TTLL5: variants seen among roughly 807,000 people sequenced by gnomAD.
The protein encoded by TTLL5 is tubulin polyglutamylase TTLL5.
TTLL5 carries 132 observed loss-of-function variants against 168.4 expected under a neutral mutation model. That is an observed-to-expected ratio of 0.78 (90% CI 0.68 to 0.91). The LOEUF is 0.91. Among genes scored for constraint, TTLL5 ranks in the 40% least tolerant of loss-of-function variants. The pLI, the probability that TTLL5 is intolerant of heterozygous loss-of-function variation, is 0.00. For missense variants in TTLL5, 1,545 were observed against 1,581.5 expected, an observed-to-expected ratio of 0.98 and a Z score of 0.39; for synonymous variants, 546 against 558.6, an observed-to-expected ratio of 0.98 and a Z score of 0.32.
chr14:75,818,667 T>TG, intron 27 of TTLL5: 1 of 194,438 alleles, frequency 5.1e-6, no homozygotes, highest in Middle Eastern at 2.2e-3. Flanking sequence ...TTTTTTTTTT[T>TG]TTTTTGTATT....
intron 31 of TTLL5, among the ~76,000 whole-genome samples, chr14:75,940,800 T>C (rs1390878294): frequency 6.6e-6 from 1 of 152,204 alleles, no homozygotes. Context: ...GATGGGTTTA[T>C]TATAATAAAA....
intron 29 of TTLL5, among the ~76,000 whole-genome samples, chr14:75,865,099 C>T (rs1216420518): frequency 6.6e-6 from 1 of 152,060 alleles, no homozygotes; most frequent in Non-Finnish European, 1.5e-5. Flanking sequence ...AAAATAAAAT[C>T]TCTTAATCTG....
Position 75,876,721 on chromosome 14 carries a change from C to T in TTLL5, c.3523-5964C>T, listed in dbSNP as rs181235923. ...GCTCAGCACCCAGTCTTGTCCCAGC[C>T]GACAAACACTGTGAATGGAAGACAG... is the stretch of plus-strand genomic sequence containing the variant. On this transcript the variant is annotated intron_variant, in intron 29 of 31. Transcript: ENST00000298832. 3.1e-4 allele frequency among the ~76,000 whole-genome samples: 47 copies of T among 152,272 alleles called. No homozygotes were observed. The East Asian group carries it at 8.1e-3, about 26-fold the overall frequency.
chr14:75,943,802 GA>G (rs942279680), intron 31 of TTLL5, among the ~76,000 whole-genome samples: 1 of 152,118 alleles, frequency 6.6e-6, no homozygotes, highest in Non-Finnish European at 1.5e-5. Flanking sequence ...TATGTTTAGA[GA>G]AATTAAAAGA....
At chr14:75,916,883 A>G (rs1032338666) in intron 31 of TTLL5, among the ~76,000 whole-genome samples, 2 of 152,224 alleles carry the variant, frequency 1.3e-5, no homozygotes, top group African/African-American at 4.8e-5. Flanking sequence ...GCAATAAGCT[A>G]CAGCATGGAA....
At chr14:75,688,528 T>A (rs8010560) in intron 5 of TTLL5, among the ~76,000 whole-genome samples, 106,001 of 152,060 alleles carry the variant, frequency 0.7, 38,434 homozygotes, top group Non-Finnish European at 0.81. Flanking sequence ...AATTAATTGA[T>A]CCCAAGGAGG....
intron 31 of TTLL5, chr14:75,902,680 GTGT>G: frequency 3.1e-5 from 14 of 454,176 alleles, no homozygotes; most frequent in South Asian, 2.2e-4. Context: ...TTTGATCTAC[GTGT>G]TGTGCTAATG....
chr14:75,704,280 T>C (rs568396281), intron 7 of TTLL5, among the ~76,000 whole-genome samples: 1 of 152,346 alleles, frequency 6.6e-6, no homozygotes, highest in African/African-American at 2.4e-5. Context: ...GGCTCATGCC[T>C]GTAATCCCAG....
intron 23 of TTLL5, among the ~76,000 whole-genome samples, chr14:75,778,600 G>A (rs887412363): frequency 2.6e-5 from 4 of 152,184 alleles, no homozygotes; most frequent in Admixed American, 2.0e-4. Flanking sequence ...GTTCTGGTTA[G>A]AGTGTGTTTT....
intron 12 of TTLL5, among the ~76,000 whole-genome samples, chr14:75,730,525 C>T (rs1338865165): frequency 6.6e-6 from 1 of 152,164 alleles, no homozygotes; most frequent in Non-Finnish European, 1.5e-5. Context: ...GAAGCCAACT[C>T]ATTCATGGAA....
At chr14:75,857,232 T>C (rs1897175752) in intron 28 of TTLL5, among the ~76,000 whole-genome samples, 1 of 152,228 alleles carries the variant, frequency 6.6e-6, no homozygotes, top group African/African-American at 2.4e-5. Context: ...GCATTTCATG[T>C]CTAACGGTAT....
intron 29 of TTLL5, among the ~76,000 whole-genome samples, chr14:75,869,491 A>G (rs576098093): frequency 6.6e-6 from 1 of 152,256 alleles, no homozygotes; most frequent in African/African-American, 2.4e-5. Flanking sequence ...TCATGATTGT[A>G]GTTCTCAGGA....
At chr14:75,687,850 A>G (rs914891916) in intron 5 of TTLL5, among the ~76,000 whole-genome samples, 2 of 152,240 alleles carry the variant, frequency 1.3e-5, no homozygotes, top group African/African-American at 4.8e-5. Flanking sequence ...CAATAGCATT[A>G]GTAATTAATG....
intron 28 of TTLL5, among the ~76,000 whole-genome samples, chr14:75,846,551 G>C (rs947765980): frequency 1.3e-5 from 2 of 152,176 alleles, no homozygotes; most frequent in Non-Finnish European, 2.9e-5. Flanking sequence ...AGCACTTTGG[G>C]AGGCCGAGGC....
chr14:75,725,733 C>G (rs1460322978), intron 12 of TTLL5, among the ~76,000 whole-genome samples: 1 of 152,146 alleles, frequency 6.6e-6, no homozygotes, highest in Non-Finnish European at 1.5e-5. Context: ...AAAATGATAT[C>G]ATCCTTTCTA....
chr14:75,877,448 G>A (rs1436269864), intron 29 of TTLL5, among the ~76,000 whole-genome samples: 1 of 152,146 alleles, frequency 6.6e-6, no homozygotes, highest in Non-Finnish European at 1.5e-5. Context: ...GAGAAGGAGG[G>A]CCTTTCCAGT....
chr14:75,902,399 CA>C (rs2032964503), intron 31 of TTLL5, 175 bp downstream of exon 31: 1 of 734,996 alleles, frequency 1.4e-6, no homozygotes, highest in Non-Finnish European at 2.3e-6. Flanking sequence ...ATAGTCTTGG[CA>C]GCCTAAAATA....
intron 3 of TTLL5, among the ~76,000 whole-genome samples, chr14:75,671,499 TTAA>T (rs1883750224): frequency 6.6e-6 from 1 of 152,224 alleles, no homozygotes. Context: ...TGTTGCCATC[TTAA>T]TGATGTTTTC....
At position 75,792,887 on chromosome 14, in the gene TTLL5, T is replaced by C; in HGVS notation, c.2987-29T>C. On this transcript the variant is annotated intron_variant, in intron 26 of 31. Transcript: ENST00000298832. Reference sequence around the variant, plus strand: ...TTTTTTCAGGCCTTTTTTTCCTAAATGAGTGAAAACTTTTCTCCGTTTTAG... The same window carrying C: ...TTTTTTCAGGCCTTTTTTTCCTAAACGAGTGAAAACTTTTCTCCGTTTTAG... 5 of 1,517,490 alleles carry C rather than the reference T, an allele frequency of 3.3e-6. 1 individual carries two copies. The East Asian group carries it at 1.2e-4, about 35-fold the overall frequency. The allele number at this position is 1,517,490 out of a possible 1,614,324, so 94.0% of individuals were successfully genotyped here. A position where few individuals can be genotyped will look rare whatever the true frequency, so the allele number is the denominator to read the frequency against.
Sources: allele counts gnomAD v4.1 joint callset (sites outside exome capture counted in the v4.1 genomes callset), GRCh38; gene constraint gnomAD v4.1.1; transcripts MANE v1.5; gene names NCBI Gene and HGNC (gene_info 2026-07-23, HGNC 2026-07-21).